The following ADAMTS5 variants were observed in gnomAD, a reference collection of about 807,000 sequenced individuals.
The protein encoded by ADAMTS5 is ADAM metallopeptidase with thrombospondin type 1 motif 5.
In ADAMTS5, 54 loss-of-function variants were observed where a neutral mutation model predicts 81.4. The ratio of observed to expected loss-of-function variants is 0.66; its 90% confidence interval spans 0.53 to 0.83. The LOEUF is 0.83. Among genes scored for constraint, ADAMTS5 ranks in the 40% least tolerant of loss-of-function variants. The pLI is 0.00. For missense variants in ADAMTS5, 1,194 were observed against 1,229.9 expected (o/e 0.97, Z 0.44); for synonymous variants, 532 against 508.8 (o/e 1.05, Z -0.61).
In ADAMTS5 at chr21:26,934,531, A is replaced by G. The variant is rs1187286663; in HGVS notation, c.1624T>C (p.Cys542Arg). Reference sequence around the variant, plus strand: ...TGCAGGCAGATTCTCCCCTTTCCACAAGGCGTCCCTTCCACCGCAGGCAGC... The same window carrying G: ...TGCAGGCAGATTCTCCCCTTTCCACGAGGCGTCCCTTCCACCGCAGGCAGC... Reference protein sequence around the residue: ...KKLPAVEGTPCGKGRICLQGK... With the variant: ...KKLPAVEGTPRGKGRICLQGK... The change falls in exon 4 of 8, where the codon TGT becomes CGT. Residue 542 changes from cysteine to arginine, a missense_variant. This residue lies in a region of ADAMTS5 where 696 missense variants were observed against 817.6 expected (regional missense o/e 0.85). Transcript: ENST00000284987. 1.2e-6 allele frequency: 2 copies of G among 1,614,134 alleles called. No individual in the cohort carries two copies. The highest frequency in any genetic ancestry group is 1.7e-6 in the Non-Finnish European group (2 of 1,180,022).
At chr21:26,938,705 T>A (rs1398620624) in intron 3 of ADAMTS5, among the ~76,000 whole-genome samples, 1 of 152,188 alleles carries the variant, frequency 6.6e-6, no homozygotes, top group Non-Finnish European at 1.5e-5. Context: ...GATTTTTGTA[T>A]TTTTAGTAGA....
chr21:26,926,764 T>C (rs1986813358), intron 7 of ADAMTS5, among the ~76,000 whole-genome samples: 1 of 151,988 alleles, frequency 6.6e-6, no homozygotes, highest in South Asian at 2.1e-4. Flanking sequence ...GCCAGCCATA[T>C]GTTATAGCAG....
Position 26,965,726 on chromosome 21 carries a change from A to C in ADAMTS5, c.666T>G (p.Ala222=). Reference sequence around the variant, plus strand: ...GTCCGCTCGGGTTGCTGTGCGCCGGAGCATGCTCGTGGGCCTCCGGTGTGG... The same window carrying C: ...GTCCGCTCGGGTTGCTGTGCGCCGGCGCATGCTCGTGGGCCTCCGGTGTGG... ...PASTPEAHEH[A]PAHSNPSGRA... is the part of the protein sequence containing the mutation. The change falls in exon 1 of 8, where the codon GCT becomes GCG. Residue 222 remains alanine (A), a synonymous_variant. Transcript: ENST00000284987. 6.3e-7 allele frequency: 1 copy of C among 1,590,782 alleles called. No homozygotes were observed. Among genetic ancestry groups the C allele is most frequent in the Non-Finnish European group, 8.5e-7 (1 of 1,170,012 alleles).
At position 26,929,940 on chromosome 21, in the gene ADAMTS5, C is replaced by T. The variant is rs144458239; in HGVS notation, c.2171G>A (p.Cys724Tyr). Residue 724 changes from cysteine (C) to tyrosine (Y), a missense_variant, in exon 7 of 8, where the codon TGT (cysteine) becomes TAT (tyrosine). Cys to Tyr is a radical substitution (Grantham distance 194). Transcript: ENST00000284987. ...TGTACAGCTGGAGTTGTCTCCTCCA[C>T]ATACTCCGCACTTGTCATACTGCAG... ...SKLQYDKCGVCGGDNSSCTKI... is the reference protein window; with the variant it reads ...SKLQYDKCGVYGGDNSSCTKI... The T allele has an allele frequency of 8.7e-6, 14 of 1,614,044 alleles. No homozygotes were observed. The highest frequency in any genetic ancestry group is 1.3e-5 in the African/African-American group (1 of 74,938).
At chr21:26,934,407 A>G (rs1341631857) in intron 4 of ADAMTS5, 59 bp downstream of exon 4, 1 of 1,592,558 alleles carries the variant, frequency 6.3e-7, no homozygotes, top group African/African-American at 1.3e-5. Context: ...CATACCCATC[A>G]CAAGAATGCA....
intron 2 of ADAMTS5, among the ~76,000 whole-genome samples, chr21:26,948,393 CTGTAA>C (rs747548750): frequency 2.0e-5 from 3 of 152,222 alleles, no homozygotes; most frequent in Non-Finnish European, 4.4e-5. Flanking sequence ...ACAAGAAGCT[CTGTAA>C]TGTGTTTACT....
chr21:26,926,203 G>C (rs1351193928), intron 7 of ADAMTS5, among the ~76,000 whole-genome samples: 1 of 152,180 alleles, frequency 6.6e-6, no homozygotes, highest in African/African-American at 2.4e-5. Flanking sequence ...CCCAGGTCTT[G>C]GCTGCAGTGA....
Position 26,943,493 on chromosome 21 carries a change from C to T in ADAMTS5, c.1292G>A (p.Gly431Asp). The change falls in exon 3 of 8, where the codon GGT becomes GAT. Residue 431 changes from glycine to aspartate, a missense_variant. Gly to Asp is a moderately conservative substitution (Grantham distance 94). Coordinates refer to ENST00000284987, the MANE Select transcript of ADAMTS5 (RefSeq NM_007038.5). ...CATTAAGCGCTTATCTTCTGTGGAA[C>T]CAAAGGTCTCTTCACAGAATTTGGA... is the stretch of plus-strand genomic sequence containing the variant. ...DDSKFCEETF[G>D]STEDKRLMSS... 1 of 1,613,746 alleles carries T rather than the reference C, an allele frequency of 6.2e-7. No individual in the cohort carries two copies. Among genetic ancestry groups the T allele is most frequent in the Non-Finnish European group, 8.5e-7 (1 of 1,179,768 alleles).
chr21:26,933,762 A>G (rs902901854), intron 4 of ADAMTS5, among the ~76,000 whole-genome samples: 4 of 152,198 alleles, frequency 2.6e-5, no homozygotes, highest in African/African-American at 9.7e-5. Context: ...GGAATCTGTG[A>G]ATTGCCTCTG....
In ADAMTS5 at chr21:26,924,094, T is replaced by C. The variant is rs1568836679; in HGVS notation, c.2752A>G (p.Arg918Gly). ...KLAKGCPLSQ[R>G]PSAFKQCLLK... ...AAGCATTGCTTAAACGCAGAAGGCC[T>C]TTGGGAGAGAGGACATCCTTTTGCT... The change falls in exon 8 of 8, where the codon AGG (arginine) becomes GGG (glycine). Residue 918 changes from arginine to glycine, a missense_variant. By Grantham distance (125) the Arg-to-Gly change is moderately radical. Coordinates refer to ENST00000284987, the MANE Select transcript of ADAMTS5 (RefSeq NM_007038.5). 6.2e-7 allele frequency: 1 copy of C among 1,609,886 alleles called. No homozygotes were observed. Among genetic ancestry groups the C allele is most frequent in the Non-Finnish European group, 8.5e-7 (1 of 1,176,470 alleles).
chr21:26,941,856 G>T (rs1311534132), intron 3 of ADAMTS5, among the ~76,000 whole-genome samples: 1 of 152,078 alleles, frequency 6.6e-6, no homozygotes, highest in Non-Finnish European at 1.5e-5. Context: ...AATGTAGATA[G>T]GATGATAGTA....
At chr21:26,929,338 CA>C (rs930362311) in intron 7 of ADAMTS5, among the ~76,000 whole-genome samples, 2 of 151,976 alleles carry the variant, frequency 1.3e-5, no homozygotes, top group Admixed American at 1.3e-4. Context: ...ATATTTAAAG[CA>C]AAAATCTAGG....
rs542241872 is a variant in ADAMTS5 at position 26,965,220 on chromosome 21, C to A, written c.1104+68G>T. 4.6e-6 allele frequency: 7 copies of A among 1,536,628 alleles called. No individual in the cohort carries two copies. The South Asian group carries it at 9.0e-5, about 20-fold the overall frequency. ...AGGTTTGAGGGAGAAGCAAAGCCAC[C>A]AGCAAGATTCCCTTCTACCTACCTC... On this transcript the variant is annotated intron_variant, in intron 1 of 7. Transcript: ENST00000284987.
Position 26,938,151 on chromosome 21 carries a change from G to A in ADAMTS5, c.1406-3402C>T, listed in dbSNP as rs184720598. On this transcript the variant is annotated intron_variant, in intron 3 of 7. Coordinates refer to ENST00000284987, the MANE Select transcript of ADAMTS5 (RefSeq NM_007038.5). ...GCTACTCGGGAGGGAGGCTGAGGCA[G>A]GAGAATCGCTTGAACCTGGGAGGTG... Among the ~76,000 whole-genome samples, 5 of 152,088 alleles carry A rather than the reference G, an allele frequency of 3.3e-5. No homozygotes were observed. The East Asian group carries it at 9.7e-4, about 30-fold the overall frequency.
chr21:26,960,479 C>G (rs547136248), intron 1 of ADAMTS5, among the ~76,000 whole-genome samples: 15 of 152,286 alleles, frequency 9.8e-5, no homozygotes, highest in African/African-American at 3.4e-4. Context: ...GGACAGGACT[C>G]TAATCAGATA....
rs1370637195 is a variant in ADAMTS5, at chr21:26,919,556, C to A, written c.*4497G>T. On this transcript the variant is annotated 3_prime_UTR_variant, in exon 8 of 8. Transcript: ENST00000284987. ...ACCTGCATTGAGAATGATATCATAG[C>A]CCCAGGCAGGCATTTACCAGACTGA... The A allele has an allele frequency of 6.6e-6, 1 of 151,660 alleles. No individual in the cohort carries two copies. The highest frequency in any genetic ancestry group is 2.4e-5 in the African/African-American group (1 of 41,272). 9.4% of individuals were successfully genotyped at this position (151,660 alleles called of 1,614,324 possible).
intron 7 of ADAMTS5, among the ~76,000 whole-genome samples, chr21:26,929,059 A>G (rs1986858508): frequency 6.6e-6 from 1 of 152,228 alleles, no homozygotes; most frequent in African/African-American, 2.4e-5. Flanking sequence ...ATATATTTTC[A>G]AATCACATCA....
Position 26,966,090 on chromosome 21 carries a change from T to A in ADAMTS5, c.302A>T (p.Asp101Val), listed in dbSNP as rs1367120041. 17 of 1,612,776 alleles carry A rather than the reference T, an allele frequency of 1.1e-5. No individual in the cohort carries two copies. The highest frequency in any genetic ancestry group is 1.4e-5 in the Non-Finnish European group (17 of 1,179,740). Residue 101 changes from aspartate to valine, a missense_variant, in exon 1 of 8, where the codon GAC becomes GTC. By Grantham distance (152) the Asp-to-Val change is radical (BLOSUM62 -3). Around this residue, in one of 2 missense-constraint regions of ADAMTS5, gnomAD observed 498 missense variants for 412.3 expected, o/e 1.21. Transcript: ENST00000284987. ...VYAGGRRFLL[D>V]LERDGSVGIA... is the part of the protein sequence containing the mutation. ...GCCCACCGAACCATCTCGCTCCAGG[T>A]CCAAGAGGAACCTCCGGCCGCCCGC...
chr21:26,943,223 C>T (rs1027725200), intron 3 of ADAMTS5, among the ~76,000 whole-genome samples, 157 bp downstream of exon 3: 5 of 152,174 alleles, frequency 3.3e-5, no homozygotes, highest in Non-Finnish European at 4.4e-5. Flanking sequence ...GCAGTACATA[C>T]CCACATATGA....
Sources: allele counts gnomAD v4.1 joint callset (sites outside exome capture counted in the v4.1 genomes callset), GRCh38; gene constraint gnomAD v4.1.1; regional missense constraint gnomAD v4.1.1; transcripts MANE v1.5; gene names NCBI Gene and HGNC (gene_info 2026-07-23, HGNC 2026-07-21).